The following GABRR2 variants were observed in gnomAD, a reference collection of about 807,000 sequenced individuals.
GABRR2 encodes the protein gamma-aminobutyric acid receptor subunit rho-2.
In GABRR2, 36 loss-of-function variants were observed where a neutral mutation model predicts 47.0. That is an observed-to-expected ratio of 0.77 (90% CI 0.59 to 1.01). The LOEUF (loss-of-function observed/expected upper bound fraction) is 1.01, where lower values mean the gene tolerates loss of function less well. Among genes scored for constraint, GABRR2 ranks in the 50% least tolerant of loss-of-function variants. GABRR2 has a pLI of 0.00. For synonymous variants in GABRR2, 204 were observed against 227.5 expected, an observed-to-expected ratio of 0.90 and a Z score of 0.93; for missense variants, 587 against 594.6, an observed-to-expected ratio of 0.99 and a Z score of 0.13.
At chr6:89,299,331 C>T (rs1774608978) in intron 2 of GABRR2, among the ~76,000 whole-genome samples, 1 of 152,182 alleles carries the variant, frequency 6.6e-6, no homozygotes, top group Non-Finnish European at 1.5e-5. Context: ...CACTCACACC[C>T]AGACACACAC....
At chr6:89,271,895 T>C (rs1774061992) in intron 2 of GABRR2, among the ~76,000 whole-genome samples, 173 bp from the exon 3 acceptor site, 1 of 152,238 alleles carries the variant, frequency 6.6e-6, no homozygotes, top group Non-Finnish European at 1.5e-5. Context: ...CTGAGCTCTC[T>C]CCACAACGTC....
intron 1 of GABRR2, among the ~76,000 whole-genome samples, chr6:89,308,621 C>T (rs1456256375): frequency 1.3e-5 from 2 of 152,214 alleles, no homozygotes; most frequent in African/African-American, 2.4e-5. Flanking sequence ...CTAACACTGC[C>T]TGGCCCAGCT....
At chr6:89,291,746 T>C (rs7762767) in intron 2 of GABRR2, among the ~76,000 whole-genome samples, 12,331 of 152,242 alleles carry the variant, frequency 0.081, 555 homozygotes, top group African/African-American at 0.11. Flanking sequence ...TTGATTACAC[T>C]TAATCATTTA....
intron 1 of GABRR2, 95 bp from the exon 2 acceptor site, chr6:89,299,960 G>C: frequency 1.2e-6 from 1 of 800,606 alleles, no homozygotes; most frequent in South Asian, 1.5e-5. Context: ...CTACCTGTTA[G>C]GTACCTTTTC....
intron 2 of GABRR2, among the ~76,000 whole-genome samples, chr6:89,295,004 T>C (rs1461930525): frequency 6.6e-6 from 1 of 152,056 alleles, no homozygotes; most frequent in East Asian, 1.9e-4. Context: ...TATTCCATGG[T>C]GTATATGTGC....
In GABRR2 at chr6:89,255,429, C is replaced by T. The variant is rs1370717642; in HGVS notation, c.*2241G>A. Among the ~76,000 whole-genome samples the T allele has an allele frequency of 3.3e-5, 5 of 152,194 alleles. No homozygotes were observed. The highest frequency in any genetic ancestry group is 7.2e-5 in the African/African-American group (3 of 41,438). ...TCCAGCCTGAGCAACAAGAGTGAAA[C>T]TCTGTCTCAGAAAAGAAAAAAAGGT... On this transcript the variant is annotated 3_prime_UTR_variant, in exon 9 of 9. Coordinates refer to ENST00000402938, the MANE Select transcript of GABRR2 (RefSeq NM_002043.5).
chr6:89,304,826 T>C (rs141833011), intron 1 of GABRR2, among the ~76,000 whole-genome samples: 65 of 152,310 alleles, frequency 4.3e-4, no homozygotes, highest in Non-Finnish European at 7.4e-4. Flanking sequence ...AGAGAACGTT[T>C]ATACACTGTT....
Position 89,297,965 on chromosome 6 carries a change from C to T in GABRR2, c.220+1794G>A, listed in dbSNP as rs150253066. On this transcript the variant is annotated intron_variant, in intron 2 of 8. Coordinates refer to ENST00000402938, the MANE Select transcript of GABRR2 (RefSeq NM_002043.5). ...TGTGCAAGAAAAGTGGAGCTTCTTGCTTTTGGGGACGCCTTGCTTAGACTT... is the reference window on the plus strand; with the variant it reads ...TGTGCAAGAAAAGTGGAGCTTCTTGTTTTTGGGGACGCCTTGCTTAGACTT... Among the ~76,000 whole-genome samples the T allele has an allele frequency of 3.3e-3, 502 of 152,340 alleles. 1 individual carries two copies. Among genetic ancestry groups the T allele is most frequent in the African/African-American group, 0.011 (463 of 41,568 alleles).
chr6:89,261,140 C>A (rs1773736948), intron 8 of GABRR2, among the ~76,000 whole-genome samples: 1 of 152,148 alleles, frequency 6.6e-6, no homozygotes, highest in South Asian at 2.1e-4. Flanking sequence ...TGCCGGTGAA[C>A]CGTTCGTTTG....
rs1359004094 is a variant in GABRR2, at chr6:89,256,958, G to A, written c.*712C>T. Among the ~76,000 whole-genome samples, 1 of 152,158 alleles carries A rather than the reference G, an allele frequency of 6.6e-6. No individual in the cohort carries two copies. Among genetic ancestry groups the A allele is most frequent in the Non-Finnish European group, 1.5e-5 (1 of 68,024 alleles). On this transcript the variant is annotated 3_prime_UTR_variant, in exon 9 of 9. Coordinates refer to ENST00000402938, the MANE Select transcript of GABRR2 (RefSeq NM_002043.5). Reference sequence around the variant, plus strand: ...ATGGGTCTGTGGGGTAAGCGGGGTTGAAGGAGGGGAAAGAGCAGAAGTACA... The same window carrying A: ...ATGGGTCTGTGGGGTAAGCGGGGTTAAAGGAGGGGAAAGAGCAGAAGTACA...
Position 89,257,545 on chromosome 6 carries a change from C to T in GABRR2, c.*125G>A, listed in dbSNP as rs1214849634. 2 of 774,078 alleles carry T rather than the reference C, an allele frequency of 2.6e-6. No homozygotes were observed. The highest frequency in any genetic ancestry group is 2.7e-5 in the East Asian group (1 of 37,398). The allele number at this position is 774,078 out of a possible 1,614,324, so 48.0% of individuals were successfully genotyped here. A position where few individuals can be genotyped will look rare whatever the true frequency, so the allele number is the denominator to read the frequency against. ...GGGCTTCTCTGAGAGATGAGTGCTG[C>T]TCAGGGTGGTCCAGTAGCTGCTGCA... On this transcript the variant is annotated 3_prime_UTR_variant, in exon 9 of 9. Coordinates refer to ENST00000402938, the MANE Select transcript of GABRR2 (RefSeq NM_002043.5).
At chr6:89,294,501 A>G (rs556805262) in intron 2 of GABRR2, among the ~76,000 whole-genome samples, 13 of 152,230 alleles carry the variant, frequency 8.5e-5, no homozygotes, top group South Asian at 8.3e-4. Context: ...GAGAAATAAG[A>G]TGGGAATGAG....
At chr6:89,290,376 C>T (rs1377664148) in intron 2 of GABRR2, among the ~76,000 whole-genome samples, 1 of 152,222 alleles carries the variant, frequency 6.6e-6, no homozygotes, top group Non-Finnish European at 1.5e-5. Flanking sequence ...CCATTCACTC[C>T]CCTTGAAACA....
chr6:89,307,681 C>T (rs1767592809), intron 1 of GABRR2, among the ~76,000 whole-genome samples: 1 of 152,164 alleles, frequency 6.6e-6, no homozygotes, highest in African/African-American at 2.4e-5. Context: ...GAAACCAGAG[C>T]CCTCAGGGCC....
intron 8 of GABRR2, among the ~76,000 whole-genome samples, chr6:89,262,069 A>G (rs955743474): frequency 1.3e-5 from 2 of 151,108 alleles, no homozygotes; most frequent in Admixed American, 1.3e-4. Flanking sequence ...CAACCATCAG[A>G]CACTGACTAA....
At position 89,315,174 on chromosome 6, in the gene GABRR2, C is replaced by T; in HGVS notation, c.-9G>A. The stretch of plus-strand genomic sequence containing the variant: ...CTTGTAAAATAAGGCATTTTGTGGA[C>T]ATCTGTGAGGCAAAAAGCTGCTTTC... On this transcript the variant is annotated 5_prime_UTR_variant, in exon 1 of 9. An upstream start codon of the reference 5' UTR is lost. Transcript: ENST00000402938. The T allele has an allele frequency of 6.2e-7, 1 of 1,613,784 alleles. No homozygotes were observed. Among genetic ancestry groups the T allele is most frequent in the South Asian group, 1.1e-5 (1 of 91,072 alleles).
intron 2 of GABRR2, among the ~76,000 whole-genome samples, chr6:89,289,344 T>C (rs1029322398): frequency 1.2e-4 from 18 of 152,112 alleles, no homozygotes; most frequent in South Asian, 2.1e-4. Context: ...GGAGCAGTGC[T>C]GAGGAAGGGG....
At position 89,257,936 on chromosome 6, in the gene GABRR2, C is replaced by A. The variant is rs563858408; in HGVS notation, c.1132G>T (p.Asp378Tyr). The A allele has an allele frequency of 1.3e-5, 21 of 1,613,956 alleles. No homozygotes were observed. The African/African-American group carries it at 2.3e-4, about 17-fold the overall frequency. ...GCCTCAGACTCACTGTAGCTTCCAT[C>A]CAGCATCATGGTTTTTGAATGAAGC... ...GMLHSKTMMLDGSYSESEANS... is the reference protein window; with the variant it reads ...GMLHSKTMMLYGSYSESEANS... Residue 378 changes from aspartate to tyrosine, a missense_variant, in exon 9 of 9, where the codon GAT becomes TAT. Physicochemically the swap from Asp to Tyr is radical, Grantham distance 160. Transcript: ENST00000402938.
chr6:89,284,231 G>A (rs964930089), intron 2 of GABRR2, among the ~76,000 whole-genome samples: 8 of 152,126 alleles, frequency 5.3e-5, no homozygotes, highest in East Asian at 1.9e-4. Flanking sequence ...TCTGTATCTC[G>A]ATCTGCATAG....
Sources: gnomAD v4.1 joint callset for allele counts (sites outside exome capture counted in the v4.1 genomes callset) on GRCh38, gnomAD v4.1.1 for gene constraint, MANE v1.5 for transcripts, NCBI Gene and HGNC (gene_info 2026-07-23, HGNC 2026-07-21) for gene names.